Variants in ZNF747 observed in about 807,000 individuals in gnomAD.
ZNF747 encodes KRAB domain-containing protein ZNF747.
ZNF747 carries 14 observed loss-of-function variants against 13.4 expected under a neutral mutation model. The observed-to-expected ratio is 1.04, with a 90% CI of 0.69 to 1.63. The LOEUF is 1.63. Ranked by LOEUF, ZNF747 falls within the 40% of genes most tolerant of loss-of-function variation. The pLI is 0.00. For missense variants in ZNF747, 532 were observed against 477.9 expected (o/e 1.11, Z -1.05); for synonymous variants, 212 against 206.5 (o/e 1.03, Z -0.23).
Position 30,534,589 on chromosome 16 carries a change from A to C in ZNF747, c.91T>G (p.Trp31Gly). Residue 31 changes from tryptophan (W) to glycine (G), a missense_variant, in exon 1 of 3, where the codon TGG (tryptophan) becomes GGG (glycine). Physicochemically the swap from Trp to Gly is radical, Grantham distance 184 (BLOSUM62 -2). Transcript: ENST00000693075. ...PRDPNGAGSE[W>G]RKPGAVSFAD... is the part of the protein sequence containing the mutation. ...AAGCTCACGGCCCCGGGCTTTCTCC[A>C]CTCGGATCCCGCCCCGTTTGGGTCC... The C allele has an allele frequency of 6.2e-7, 1 of 1,601,804 alleles. No individual in the cohort carries two copies. Among genetic ancestry groups the C allele is most frequent in the Non-Finnish European group, 8.5e-7 (1 of 1,175,908 alleles).
In ZNF747 at chr16:30,534,669, G is replaced by A. The variant is rs893294431; in HGVS notation, c.11C>T (p.Pro4Leu). ...CATGGGGACTGTCAGCCCCAGCGAC[G>A]GATCGGTCATCTCCCCTGGCCAGGC... MTD[P>L]SLGLTVPMAP... Residue 4 changes from proline to leucine, a missense_variant, in exon 1 of 3, where the codon CCG becomes CTG. Transcript: ENST00000693075. 8 of 1,545,878 alleles carry A rather than the reference G, an allele frequency of 5.2e-6. 1 individual carries two copies. The highest frequency in any genetic ancestry group is 2.4e-5 in the South Asian group (2 of 84,198).
chr16:30,534,340 G>T, intron 1 of ZNF747, 30 bp from the exon 2 acceptor site: 1 of 1,559,136 alleles, frequency 6.4e-7, no homozygotes, highest in East Asian at 2.4e-5. Flanking sequence ...ACCCCACGCT[G>T]CGAGGAGGCC....
At position 30,530,990 on chromosome 16, in the gene ZNF747, A is replaced by C. The variant is rs369272096; in HGVS notation, c.*1509T>G. 6.6e-6 allele frequency: 1 copy of C among 152,260 alleles called. No individual in the cohort carries two copies. The highest frequency in any genetic ancestry group is 1.9e-4 in the East Asian group (1 of 5,204). The allele number at this position is 152,260 out of a possible 1,614,324, so 9.4% of individuals were successfully genotyped here. The stretch of plus-strand genomic sequence containing the variant: ...GGGGATACAGATGGGTACGGTTGCC[A>C]CTGGCTACAAATCTAACACCAGGTG... On this transcript the variant is annotated 3_prime_UTR_variant, in exon 3 of 3. Transcript: ENST00000693075. This position sits in a 1 kb window ranked among gnomAD's most constrained non-coding sequence, Gnocchi z 4.4.
Position 30,534,483 on chromosome 16 carries a change from A to G in ZNF747, c.197T>C (p.Met66Thr), listed in dbSNP as rs1033137745. The G allele has an allele frequency of 4.4e-6, 7 of 1,606,508 alleles. No homozygotes were observed. Among genetic ancestry groups the G allele is most frequent in the African/African-American group, 2.7e-5 (2 of 74,738 alleles). Residue 66 changes from methionine to threonine, a missense_variant, in exon 1 of 3, where the codon ATG (methionine) becomes ACG (threonine). Coordinates refer to ENST00000693075, the MANE Select transcript of ZNF747 (RefSeq NM_001305018.2). Reference protein sequence around the residue: ...PAQRALYRDVMRETYGHLGAL... With the variant: ...PAQRALYRDVTRETYGHLGAL... ...GCCCAGGTGGCCGTAGGTCTCCCGC[A>G]TCACGTCCCGGTACAGGGCCCTCTG...
In ZNF747 at chr16:30,532,544, A is replaced by G. The variant is rs750177467; in HGVS notation, c.951T>C (p.Pro317=). ...TCTCTGGATACAGCTGGAAGCCCAC[A>G]GGCGGGTCCAGGTCCCCGCGGACAG... The part of the protein sequence containing the change: ...LTPVRGDLDP[P]VGFQLYPEIF... Residue 317 remains proline, a synonymous_variant, in exon 3 of 3, where the codon CCT becomes CCC. Transcript: ENST00000693075. 2.4e-5 allele frequency: 39 copies of G among 1,596,144 alleles called. No individual in the cohort carries two copies. The South Asian group carries it at 2.5e-4, about 10-fold the overall frequency.
At chr16:30,534,373 C>G (rs1473621220) in intron 1 of ZNF747, 63 bp from the exon 2 acceptor site, 1 of 1,555,294 alleles carries the variant, frequency 6.4e-7, no homozygotes, top group Non-Finnish European at 8.7e-7. Context: ...CCGGGGCCCC[C>G]AACTCCACAC....
chr16:30,533,266 G>C, intron 2 of ZNF747, 115 bp from the exon 3 acceptor site: 1 of 1,339,516 alleles, frequency 7.5e-7, no homozygotes, highest in Non-Finnish European at 1.0e-6. Context: ...GGAGATGGAG[G>C]AGTGACACCT....
Position 30,531,190 on chromosome 16 carries a change from A to G in ZNF747, c.*1309T>C, listed in dbSNP as rs547519463. On this transcript the variant is annotated 3_prime_UTR_variant, in exon 3 of 3. Transcript: ENST00000693075. ...ATAAACACCAAAAACACTAAAAGCAAGCCATGATGAATGGCTACTCATGCT... is the reference window on the plus strand; with the variant it reads ...ATAAACACCAAAAACACTAAAAGCAGGCCATGATGAATGGCTACTCATGCT... 6.6e-6 allele frequency: 1 copy of G among 152,332 alleles called. No homozygotes were observed. The highest frequency in any genetic ancestry group is 2.4e-5 in the African/African-American group (1 of 41,562). 9.4% of individuals were successfully genotyped at this position (152,332 alleles called of 1,614,324 possible).
chr16:30,532,043 G>A lies in ZNF747; in HGVS notation c.*456C>T, dbSNP rs2051382660. 5.7e-6 allele frequency: 1 copy of A among 174,094 alleles called. No individual in the cohort carries two copies. Among genetic ancestry groups the A allele is most frequent in the Admixed American group, 5.5e-5 (1 of 18,320 alleles). 10.8% of individuals were successfully genotyped at this position (174,094 alleles called of 1,614,324 possible). A position where few individuals can be genotyped will look rare whatever the true frequency, so the allele number is the denominator to read the frequency against. ...GGTGCCTGTAATTCCAGCTACTTGG[G>A]TGGCTGAGGCAGGAGAATCGCTTGA... is the stretch of plus-strand genomic sequence containing the variant. On this transcript the variant is annotated 3_prime_UTR_variant, in exon 3 of 3. Transcript: ENST00000693075.
chr16:30,533,409 C>G (rs147029954), intron 2 of ZNF747, among the ~76,000 whole-genome samples: 4 of 152,056 alleles, frequency 2.6e-5, no homozygotes, highest in East Asian at 1.9e-4. Flanking sequence ...GAATAAGAAG[C>G]GGACACCTGG....
chr16:30,532,449 G>A lies in ZNF747; in HGVS notation c.*50C>T, dbSNP rs755453941. The A allele has an allele frequency of 6.4e-7, 1 of 1,553,534 alleles. No individual in the cohort carries two copies. The highest frequency in any genetic ancestry group is 8.7e-7 in the Non-Finnish European group (1 of 1,152,258). On this transcript the variant is annotated 3_prime_UTR_variant, in exon 3 of 3. Transcript: ENST00000693075. The stretch of plus-strand genomic sequence containing the variant: ...GGCCGCTGCAGAGGTTCGGGCCCCT[G>A]AGCCCATCTCGGGCCGCCCACAATG...
At chr16:30,533,198 T>C (rs749130842) in intron 2 of ZNF747, 47 bp from the exon 3 acceptor site, 1 of 1,611,086 alleles carries the variant, frequency 6.2e-7, no homozygotes, top group African/African-American at 1.3e-5. Context: ...ATCCTGGTCA[T>C]TGAATCCCAC....
In ZNF747 at chr16:30,532,335, G is replaced by A. The variant is rs2051386533; in HGVS notation, c.*164C>T. The A allele has an allele frequency of 1.3e-6, 1 of 789,786 alleles. No homozygotes were observed. Among genetic ancestry groups the A allele is most frequent in the Non-Finnish European group, 2.0e-6 (1 of 499,070 alleles). The allele number at this position is 789,786 out of a possible 1,614,324, so 48.9% of individuals were successfully genotyped here. On this transcript the variant is annotated 3_prime_UTR_variant, in exon 3 of 3. Coordinates refer to ENST00000693075, the MANE Select transcript of ZNF747 (RefSeq NM_001305018.2). The stretch of plus-strand genomic sequence containing the variant: ...AGAGCCCAGGGCAGCGGGGAGCAAG[G>A]TGCTGGCAGAAGAGGCTGCTGAGAG...
At position 30,533,092 on chromosome 16, in the gene ZNF747, G is replaced by T; in HGVS notation, c.403C>A (p.Pro135Thr). The T allele has an allele frequency of 6.2e-7, 1 of 1,612,676 alleles. No homozygotes were observed. The highest frequency in any genetic ancestry group is 8.5e-7 in the Non-Finnish European group (1 of 1,180,020). Reference sequence around the variant, plus strand: ...GGAGACCCGGCGGCCACAGGGTCGGGCTTCTCCAGGGCTCCCGTCCCTTCC... The same window carrying T: ...GGAGACCCGGCGGCCACAGGGTCGGTCTTCTCCAGGGCTCCCGTCCCTTCC... ...QREGTGALEK[P>T]DPVAAGSPGL... The change falls in exon 3 of 3, where the codon CCC (proline) becomes ACC (threonine). Residue 135 changes from proline to threonine, a missense_variant. Transcript: ENST00000693075.
chr16:30,531,463 T>G lies in ZNF747; in HGVS notation c.*1036A>C, dbSNP rs1391803389. Reference sequence around the variant, plus strand: ...TACAGCAACTGCAGGCGAGATCCAATACAGGGTCACTGGTTTTTTAGGTTG... The same window carrying G: ...TACAGCAACTGCAGGCGAGATCCAAGACAGGGTCACTGGTTTTTTAGGTTG... On this transcript the variant is annotated 3_prime_UTR_variant, in exon 3 of 3. Transcript: ENST00000693075. 3 of 152,186 alleles carry G rather than the reference T, an allele frequency of 2.0e-5. No individual in the cohort carries two copies. Among genetic ancestry groups the G allele is most frequent in the Non-Finnish European group, 2.9e-5 (2 of 68,032 alleles). 9.4% of individuals were successfully genotyped at this position (152,186 alleles called of 1,614,324 possible). A position where few individuals can be genotyped will look rare whatever the true frequency, so the allele number is the denominator to read the frequency against.
chr16:30,532,746 C>A lies in ZNF747; in HGVS notation c.749G>T (p.Arg250Leu), dbSNP rs115499189. 7 of 1,542,954 alleles carry A rather than the reference C, an allele frequency of 4.5e-6. No homozygotes were observed. Among genetic ancestry groups the A allele is most frequent in the Admixed American group, 3.9e-5 (2 of 51,030 alleles). ...CPECGRAFMR[R>L]TALTSHLRVH... ...GCGCAGGTGAGAAGTCAGCGCCGTG[C>A]GGCGCATGAAGGCCCGACCACACTC... The change falls in exon 3 of 3, where the codon CGC becomes CTC. Residue 250 changes from arginine to leucine, a missense_variant. Physicochemically the swap from Arg to Leu is moderately radical, Grantham distance 102. Transcript: ENST00000693075.
Sources: allele counts gnomAD v4.1 joint callset (sites outside exome capture counted in the v4.1 genomes callset), GRCh38; gene constraint gnomAD v4.1.1; non-coding constraint Gnocchi (gnomAD v3.1); transcripts MANE v1.5; gene names NCBI Gene and HGNC (gene_info 2026-07-23, HGNC 2026-07-21).